Variants in TAF1L observed in about 807,000 individuals in gnomAD.
TAF1L encodes the protein transcription initiation factor TFIID subunit 1-like.
In TAF1L, 30 loss-of-function variants were observed where a neutral mutation model predicts 128.8. The observed-to-expected ratio is 0.23, with a 90% CI of 0.17 to 0.32. The LOEUF is 0.32. TAF1L is among the 10% of genes least tolerant of loss of function. TAF1L has a pLI of 1.00. For synonymous variants in TAF1L, 764 were observed against 790.7 expected, an observed-to-expected ratio of 0.97 and a Z score of 0.57; for missense variants, 2,099 against 2,253.7, an observed-to-expected ratio of 0.93 and a Z score of 1.39.
In TAF1L at chr9:32,634,974, G is replaced by T; in HGVS notation, c.606C>A (p.Phe202Leu). Residue 202 changes from phenylalanine to leucine, a missense_variant, in exon 1 of 1, where the codon TTC (phenylalanine) becomes TTA (leucine). Coordinates refer to ENST00000242310, the MANE Select transcript of TAF1L (RefSeq NM_153809.2). ...CAGATTCTGAATCAGAGTAACTACTGAAATCCACTTTCTCTGAGGCCAAAA... is the reference window on the plus strand; with the variant it reads ...CAGATTCTGAATCAGAGTAACTACTTAAATCCACTTTCTCTGAGGCCAAAA... ...PSFLASEKVD[F>L]SSYSDSESEM... The T allele has an allele frequency of 1.2e-6, 2 of 1,614,074 alleles. No homozygotes were observed. The highest frequency in any genetic ancestry group is 1.7e-6 in the Non-Finnish European group (2 of 1,180,010).
chr9:32,634,745 G>C lies in TAF1L; in HGVS notation c.835C>G (p.Arg279Gly), dbSNP rs765406541. The part of the protein sequence containing the change: ...KNVPSVWRSA[R>G]RKRKKHRELI... ...TCACGATGCTTCTTCCTCTTTCTCC[G>C]AGCACTCCGCCAAACAGATGGGACA... Residue 279 changes from arginine (R) to glycine (G), a missense_variant, in exon 1 of 1, where the codon CGG (arginine) becomes GGG (glycine). This residue lies in a region of TAF1L where 473 missense variants were observed against 429.6 expected (regional missense o/e 1.10). Coordinates refer to ENST00000242310, the MANE Select transcript of TAF1L (RefSeq NM_153809.2). 1.3e-5 allele frequency: 21 copies of C among 1,614,082 alleles called. 1 individual carries two copies. The highest frequency in any genetic ancestry group is 9.9e-5 in the South Asian group (9 of 91,074).
Position 32,634,820 on chromosome 9 carries a change from G to A in TAF1L, c.760C>T (p.Arg254Ter), listed in dbSNP as rs761429692. The A allele has an allele frequency of 1.2e-6, 2 of 1,614,108 alleles. No individual in the cohort carries two copies. Among genetic ancestry groups the A allele is most frequent in the East Asian group, 2.2e-5 (1 of 44,880 alleles). ...PSVTELFPEFRPGKVLRFLHL... is the reference protein window; with the variant it reads ...PSVTELFPEF Reference sequence around the variant, plus strand: ...AGGAAGCGTAACACTTTTCCAGGTCGAAATTCTGGAAAAAGTTCGGTGACA... The same window carrying A: ...AGGAAGCGTAACACTTTTCCAGGTCAAAATTCTGGAAAAAGTTCGGTGACA... The change falls in exon 1 of 1, where the codon CGA becomes TGA. Residue 254 changes from arginine (R) to a stop codon, truncating the protein, a stop_gained. Transcript: ENST00000242310. LOFTEE classifies it high-confidence loss of function.
rs1466846022 is a variant in TAF1L, at chr9:32,635,193, G to T, written c.387C>A (p.Ser129Arg). The T allele has an allele frequency of 6.2e-7, 1 of 1,614,134 alleles. No homozygotes were observed. The highest frequency in any genetic ancestry group is 1.1e-5 in the South Asian group (1 of 91,080). ...AATCCGAGTGGTAAAGGGGCTGCAA[G>T]CTCCCCATCGTCTGCTGGTGTCTTT... ...ESQRHQQTMGSLQPLYHSDYD... is the reference protein window; with the variant it reads ...ESQRHQQTMGRLQPLYHSDYD... Residue 129 changes from serine (S) to arginine (R), a missense_variant, in exon 1 of 1, where the codon AGC (serine) becomes AGA (arginine). Transcript: ENST00000242310.
rs1332348432 is a variant in TAF1L at position 32,634,425 on chromosome 9, G to A, written c.1155C>T (p.Phe385=). The A allele has an allele frequency of 6.2e-7, 1 of 1,614,142 alleles. No individual in the cohort carries two copies. Residue 385 remains phenylalanine, a synonymous_variant, in exon 1 of 1, where the codon TTC becomes TTT. Coordinates refer to ENST00000242310, the MANE Select transcript of TAF1L (RefSeq NM_153809.2). ...SEDGSGFDYG[F]KLRKTQHEPV... ...GTTCATGTTGTGTCTTTCTCAGTTTGAAGCCATAGTCAAACCCACTGCCAT... is the reference window on the plus strand; with the variant it reads ...GTTCATGTTGTGTCTTTCTCAGTTTAAAGCCATAGTCAAACCCACTGCCAT...
rs758042199 is a variant in TAF1L, at chr9:32,630,424, T to C, written c.5156A>G (p.Asp1719Gly). 6.2e-7 allele frequency: 1 copy of C among 1,614,176 alleles called. No homozygotes were observed. The highest frequency in any genetic ancestry group is 8.5e-7 in the Non-Finnish European group (1 of 1,180,036). ...GRLGEEDSDV[D>G]VEGYDDEEED... Reference sequence around the variant, plus strand: ...CTCCTCATCATCATACCCTTCAACATCCACATCAGAGTCTTCCTCACCCAG... The same window carrying C: ...CTCCTCATCATCATACCCTTCAACACCCACATCAGAGTCTTCCTCACCCAG... The change falls in exon 1 of 1, where the codon GAT (aspartate) becomes GGT (glycine). Residue 1719 changes from aspartate to glycine, a missense_variant. Physicochemically the swap from Asp to Gly is moderately conservative, Grantham distance 94. Around this residue, in one of 4 missense-constraint regions of TAF1L, gnomAD observed 404 missense variants for 406.5 expected, o/e 0.99. Coordinates refer to ENST00000242310, the MANE Select transcript of TAF1L (RefSeq NM_153809.2).
At position 32,630,283 on chromosome 9, in the gene TAF1L, A is replaced by G; in HGVS notation, c.5297T>C (p.Ile1766Thr). ...EASVLYEDLL[I>T]SEGEDDEEDA... ...TTCCTCATCATCTTCTCCTTCAGATATAAGCAAATCCTCATACAGGACACT... is the reference window on the plus strand; with the variant it reads ...TTCCTCATCATCTTCTCCTTCAGATGTAAGCAAATCCTCATACAGGACACT... The change falls in exon 1 of 1, where the codon ATA (isoleucine) becomes ACA (threonine). Residue 1766 changes from isoleucine (I) to threonine (T), a missense_variant. Ile to Thr is a moderately conservative substitution (Grantham distance 89). Coordinates refer to ENST00000242310, the MANE Select transcript of TAF1L (RefSeq NM_153809.2). 6.2e-7 allele frequency: 1 copy of G among 1,614,178 alleles called. No individual in the cohort carries two copies. The highest frequency in any genetic ancestry group is 1.1e-5 in the South Asian group (1 of 91,076).
chr9:32,633,343 G>A lies in TAF1L; in HGVS notation c.2237C>T (p.Thr746Ile), dbSNP rs768993676. ...CKYGETVYCH[T>I]SPFLGSLHPG... is the part of the protein sequence containing the mutation. ...ATGGAGAGAGCCCAAGAAAGGAGAT[G>A]TATGGCAGTAAACAGTTTCCCCATA... Residue 746 changes from threonine (T) to isoleucine (I), a missense_variant, in exon 1 of 1, where the codon ACA (threonine) becomes ATA (isoleucine). Physicochemically the swap from Thr to Ile is moderately conservative, Grantham distance 89. This residue lies in a region of TAF1L where 1,213 missense variants were observed against 1,391.4 expected (regional missense o/e 0.87). Transcript: ENST00000242310. 6.8e-6 allele frequency: 11 copies of A among 1,614,098 alleles called. No homozygotes were observed. Among genetic ancestry groups the A allele is most frequent in the Non-Finnish European group, 8.5e-6 (10 of 1,180,040 alleles).
Position 32,630,376 on chromosome 9 carries a change from G to A in TAF1L, c.5204C>T (p.Pro1735Leu). ...ATCACCATCTCCCCCTTCTGGGGCT[G>A]GAGGCTTAGGTTTCCCATCCTCCTC... ...DEEEDGKPKP[P>L]APEGGDGDLA... The change falls in exon 1 of 1, where the codon CCA (proline) becomes CTA (leucine). Residue 1735 changes from proline to leucine, a missense_variant. This residue lies in a region of TAF1L where 404 missense variants were observed against 406.5 expected (regional missense o/e 0.99). Transcript: ENST00000242310. The A allele has an allele frequency of 1.2e-6, 2 of 1,614,152 alleles. No homozygotes were observed. The highest frequency in any genetic ancestry group is 1.7e-6 in the Non-Finnish European group (2 of 1,180,036).
chr9:32,629,668 T>C lies in TAF1L; in HGVS notation c.*431A>G. On this transcript the variant is annotated 3_prime_UTR_variant, in exon 1 of 1. Transcript: ENST00000242310. ...ATGATACCATGCTTGGAAATTTTCT[T>C]TTTTTTTGAGATGGAGTCTCACTCT... 4.4e-6 allele frequency: 1 copy of C among 226,588 alleles called. No individual in the cohort carries two copies. Among genetic ancestry groups the C allele is most frequent in the South Asian group, 7.9e-5 (1 of 12,738 alleles). 14.0% of individuals were successfully genotyped at this position (226,588 alleles called of 1,614,324 possible).
At position 32,635,571 on chromosome 9, in the gene TAF1L, G is replaced by A. The variant is rs938277242; in HGVS notation, c.9C>T (p.Pro3=). Residue 3 remains proline (P), a synonymous_variant, in exon 1 of 1, where the codon CCC becomes CCT. Transcript: ENST00000242310. ...CTGCCCTCAGCAGCAAATCGCAGCC[G>A]GGTCGCATAAACCGGAAATAAAACA... MR[P]GCDLLLRAAA... The A allele has an allele frequency of 5.6e-6, 9 of 1,612,796 alleles. No individual in the cohort carries two copies. Among genetic ancestry groups the A allele is most frequent in the African/African-American group, 4.0e-5 (3 of 74,826 alleles).
In TAF1L at chr9:32,634,021, G is replaced by A. The variant is rs1227436549; in HGVS notation, c.1559C>T (p.Ala520Val). 2.5e-6 allele frequency: 4 copies of A among 1,614,126 alleles called. No individual in the cohort carries two copies. The highest frequency in any genetic ancestry group is 3.4e-6 in the Non-Finnish European group (4 of 1,180,034). The change falls in exon 1 of 1, where the codon GCA becomes GTA. Residue 520 changes from alanine (A) to valine (V), a missense_variant. This residue lies in a region of TAF1L where 1,213 missense variants were observed against 1,391.4 expected (regional missense o/e 0.87). Coordinates refer to ENST00000242310, the MANE Select transcript of TAF1L (RefSeq NM_153809.2). ...GAGGTTCTCATCATTGGGATCAAGT[G>A]CCAAAACAGGAGGTTCCAACAGCCG... is the stretch of plus-strand genomic sequence containing the variant. ...MPRLLEPPVL[A>V]LDPNDENLIL...
chr9:32,633,192 C>G lies in TAF1L; in HGVS notation c.2388G>C (p.Val796=). The G allele has an allele frequency of 6.2e-7, 1 of 1,614,146 alleles. No individual in the cohort carries two copies. The highest frequency in any genetic ancestry group is 2.2e-5 in the East Asian group (1 of 44,882). ...TRQGYYIREL[V]DIFVVGQQCP... The stretch of plus-strand genomic sequence containing the variant: ...ACTGCTGGCCAACCACAAAAATATC[C>G]ACTAATTCCCGAATATAGTAACCCT... The change falls in exon 1 of 1, where the codon GTG becomes GTC. Residue 796 remains valine (V), a synonymous_variant. Coordinates refer to ENST00000242310, the MANE Select transcript of TAF1L (RefSeq NM_153809.2).
chr9:32,634,332 CAGA>C lies in TAF1L; in HGVS notation c.1245_1247del (p.Leu416del), dbSNP rs753947199. On this transcript the variant is annotated inframe_deletion, in exon 1 of 1. Transcript: ENST00000242310. ...TCACCATCAGGAAGTTTTCGTCAGC[CAGA>C]AGATCAGTGCCATTGCTTTCCTCAA... The C allele has an allele frequency of 1.2e-6, 2 of 1,614,232 alleles. No homozygotes were observed. Among genetic ancestry groups the C allele is most frequent in the South Asian group, 1.1e-5 (1 of 91,084 alleles).
rs1351414829 is a variant in TAF1L, at chr9:32,632,363, A to T, written c.3217T>A (p.Ser1073Thr). Residue 1073 changes from serine to threonine, a missense_variant, in exon 1 of 1, where the codon TCT (serine) becomes ACT (threonine). Physicochemically the swap from Ser to Thr is moderately conservative, Grantham distance 58 (BLOSUM62 1). This residue lies in a region of TAF1L where 1,213 missense variants were observed against 1,391.4 expected (regional missense o/e 0.87). Coordinates refer to ENST00000242310, the MANE Select transcript of TAF1L (RefSeq NM_153809.2). This position sits in a 1 kb window ranked among gnomAD's most constrained non-coding sequence, Gnocchi z 4.4. ...MSKFARGSRFSVAEHQERYKE... is the reference protein window; with the variant it reads ...MSKFARGSRFTVAEHQERYKE... ...TAACGCTCTTGATGCTCAGCCACAGAAAACCTTGATCCACGGGCAAATTTA... is the reference window on the plus strand; with the variant it reads ...TAACGCTCTTGATGCTCAGCCACAGTAAACCTTGATCCACGGGCAAATTTA... 6.2e-7 allele frequency: 1 copy of T among 1,614,104 alleles called. No individual in the cohort carries two copies. Among genetic ancestry groups the T allele is most frequent in the Non-Finnish European group, 8.5e-7 (1 of 1,180,042 alleles).
At position 32,634,098 on chromosome 9, in the gene TAF1L, C is replaced by T. The variant is rs929721364; in HGVS notation, c.1482G>A (p.Leu494=). 8.1e-6 allele frequency: 13 copies of T among 1,614,066 alleles called. No individual in the cohort carries two copies. Among genetic ancestry groups the T allele is most frequent in the Non-Finnish European group, 1.0e-5 (12 of 1,180,050 alleles). The part of the protein sequence containing the change: ...YSIFPIDNED[L]VYGRWEDNII... ...TATTGTCCTCCCAGCGTCCATACAC[C>T]AGATCCTCATTGTCAATGGGAAAAA... Residue 494 remains leucine (L), a synonymous_variant, in exon 1 of 1, where the codon CTG becomes CTA. Coordinates refer to ENST00000242310, the MANE Select transcript of TAF1L (RefSeq NM_153809.2).
In TAF1L at chr9:32,634,650, C is replaced by T. The variant is rs777793865; in HGVS notation, c.930G>A (p.Leu310=). 2.6e-5 allele frequency: 42 copies of T among 1,613,950 alleles called. 1 individual carries two copies. The South Asian group carries it at 4.6e-4, about 18-fold the overall frequency. The change falls in exon 1 of 1, where the codon TTG becomes TTA. Residue 310 remains leucine, a synonymous_variant. Coordinates refer to ENST00000242310, the MANE Select transcript of TAF1L (RefSeq NM_153809.2). ...GTGGTGGAGCATAGTCATAGTTCCA[C>T]AAAGACTTCTGGCTGACTTCTGATT... ...SVESEVSQKS[L]WNYDYAPPPP...
chr9:32,634,955 C>T lies in TAF1L; in HGVS notation c.625G>A (p.Glu209Lys), dbSNP rs1822563917. The change falls in exon 1 of 1, where the codon GAA becomes AAA. Residue 209 changes from glutamate to lysine, a missense_variant. Coordinates refer to ENST00000242310, the MANE Select transcript of TAF1L (RefSeq NM_153809.2). ...KVDFSSYSDS[E>K]SEMGPQEATQ... ...GCTTCCTGAGGTCCCATCTCAGATT[C>T]TGAATCAGAGTAACTACTGAAATCC... 5.0e-6 allele frequency: 8 copies of T among 1,614,138 alleles called. No individual in the cohort carries two copies. The highest frequency in any genetic ancestry group is 6.8e-6 in the Non-Finnish European group (8 of 1,180,032).
Position 32,630,303 on chromosome 9 carries a change from G to A in TAF1L, c.5277C>T (p.Val1759=). The change falls in exon 1 of 1, where the codon GTC becomes GTT. Residue 1759 remains valine (V), a synonymous_variant. Coordinates refer to ENST00000242310, the MANE Select transcript of TAF1L (RefSeq NM_153809.2). The stretch of plus-strand genomic sequence containing the variant: ...CAGATATAAGCAAATCCTCATACAG[G>A]ACACTGGCTTCAGGTTGTTGTACAG... ...EGTVQQPEAS[V]LYEDLLISEG... The A allele has an allele frequency of 6.2e-7, 1 of 1,614,078 alleles. No individual in the cohort carries two copies. Among genetic ancestry groups the A allele is most frequent in the Non-Finnish European group, 8.5e-7 (1 of 1,180,030 alleles).
rs750038154 is a variant in TAF1L at position 32,632,445 on chromosome 9, A to G, written c.3135T>C (p.Ile1045=). The G allele has an allele frequency of 1.2e-6, 2 of 1,614,044 alleles. No individual in the cohort carries two copies. Among genetic ancestry groups the G allele is most frequent in the African/African-American group, 2.7e-5 (2 of 74,912 alleles). ...CTGTTGACATTGTGCGCACCACATCAATCACTTCCCAGCGGGACAACTTTT... is the reference window on the plus strand; with the variant it reads ...CTGTTGACATTGTGCGCACCACATCGATCACTTCCCAGCGGGACAACTTTT... The part of the protein sequence containing the change: ...EIKKLSRWEV[I]DVVRTMSTEQ... Residue 1045 remains isoleucine, a synonymous_variant, in exon 1 of 1, where the codon ATT becomes ATC. Transcript: ENST00000242310. The surrounding 1 kb of genome is among the most constrained non-coding windows in gnomAD (Gnocchi z 4.4).
Sources: allele counts gnomAD v4.1 joint callset, GRCh38; gene constraint gnomAD v4.1.1; regional missense constraint gnomAD v4.1.1; non-coding constraint Gnocchi (gnomAD v3.1); transcripts MANE v1.5; gene names NCBI Gene and HGNC (gene_info 2026-07-23, HGNC 2026-07-21).